The following DDX24 variants were observed in gnomAD, a reference collection of about 807,000 sequenced individuals.
DDX24 encodes the protein ATP-dependent RNA helicase DDX24.
Under a neutral mutation model 68.9 loss-of-function variants are expected in DDX24, and 24 were observed. The ratio of observed to expected loss-of-function variants is 0.35; its 90% CI spans 0.25 to 0.49. DDX24 has a LOEUF of 0.49. Ranked by LOEUF, DDX24 falls within the 20% of genes least tolerant of loss-of-function variation. The probability of loss-of-function intolerance (pLI) is 0.99; values close to 1 mark genes in which losing one functional copy is unlikely to be tolerated. For missense variants in DDX24, 989 were observed against 1,039.0 expected (o/e 0.95, Z 0.66); for synonymous variants, 395 against 385.2 (o/e 1.03, Z -0.30).
At chr14:94,068,935 A>C (rs992048698) in intron 2 of DDX24, among the ~76,000 whole-genome samples, 2 of 152,204 alleles carry the variant, frequency 1.3e-5, no homozygotes, top group African/African-American at 4.8e-5. Flanking sequence ...CAGACAATCT[A>C]AGGTCACATC....
At chr14:94,060,043 C>T in intron 5 of DDX24, 55 bp downstream of exon 5, 2 of 1,546,498 alleles carry the variant, frequency 1.3e-6, no homozygotes. Context: ...ATCCTGACCC[C>T]TTTTACCCCA....
Position 94,077,517 on chromosome 14 carries a change from A to G in DDX24, c.718+1508T>C, listed in dbSNP as rs117052350. Among the ~76,000 whole-genome samples the G allele has an allele frequency of 1.1e-3, 164 of 152,328 alleles. 3 individuals are homozygous for G. In the South Asian group the frequency reaches 0.016, roughly 15 times the overall value. ...CCATACACTACCATTTCAGTTGTGT[A>G]ATTTTAGGGAAGCTGTCTATGCTCT... is the stretch of plus-strand genomic sequence containing the variant. On this transcript the variant is annotated intron_variant, in intron 2 of 8. Coordinates refer to ENST00000621632, the MANE Select transcript of DDX24 (RefSeq NM_020414.4).
chr14:94,057,745 C>T (rs1171344147), intron 6 of DDX24, 77 bp downstream of exon 6: 3 of 1,410,446 alleles, frequency 2.1e-6, no homozygotes, highest in African/African-American at 2.9e-5. Context: ...ACAATTCCTC[C>T]TCCCTCCCCC....
intron 2 of DDX24, among the ~76,000 whole-genome samples, chr14:94,078,090 A>C (rs183145852): frequency 7.2e-5 from 11 of 152,250 alleles, no homozygotes; most frequent in African/African-American, 2.4e-4. Context: ...ATTATTCCCT[A>C]AACAATACGG....
chr14:94,051,207 C>G lies in DDX24; in HGVS notation c.2564G>C (p.Ser855Thr). 6.4e-7 allele frequency: 1 copy of G among 1,562,344 alleles called. No individual in the cohort carries two copies. The highest frequency in any genetic ancestry group is 1.2e-5 in the South Asian group (1 of 82,786). Reference sequence around the variant, plus strand: ...CTTGACCAGTTAATTTGCACTTGTACTTGGCTGTGGCTGTTCCGGCTGTGG... The same window carrying G: ...CTTGACCAGTTAATTTGCACTTGTAGTTGGCTGTGGCTGTTCCGGCTGTGG... ...KEPQPEQPQPSTSAN is the reference protein window; with the variant it reads ...KEPQPEQPQPTTSAN The change falls in exon 9 of 9, where the codon AGT (serine) becomes ACT (threonine). Residue 855 changes from serine (S) to threonine (T), a missense_variant. Coordinates refer to ENST00000621632, the MANE Select transcript of DDX24 (RefSeq NM_020414.4).
Position 94,070,680 on chromosome 14 carries a change from G to T in DDX24, c.719-8059C>A, listed in dbSNP as rs183536468. Among the ~76,000 whole-genome samples the T allele has an allele frequency of 2.0e-5, 3 of 152,320 alleles. No individual in the cohort carries two copies. In the East Asian group the frequency reaches 5.8e-4, roughly 29 times the overall value. ...AATCGGCACAAAGACCAATGGAACA[G>T]AATAGAGAACCCAGAAATAAACCCA... On this transcript the variant is annotated intron_variant, in intron 2 of 8. Coordinates refer to ENST00000621632, the MANE Select transcript of DDX24 (RefSeq NM_020414.4).
In DDX24 at chr14:94,061,030, GT is replaced by G. The variant is rs764848293; in HGVS notation, c.1279del (p.Thr427ArgfsTer8). On this transcript the variant is annotated frameshift_variant, in exon 4 of 9. Coordinates refer to ENST00000621632, the MANE Select transcript of DDX24 (RefSeq NM_020414.4). LOFTEE classifies it high-confidence loss of function. ...KTAILVGGMS[T>X]QKQQRMLNRR... ...GTTCAGCATCCTCTGCTGTTTCTGC[GT>G]GGACATTCCACCAACCAAAATAGCA... 1 of 1,614,154 alleles carries G rather than the reference GT, an allele frequency of 6.2e-7. No homozygotes were observed.
chr14:94,064,832 T>C (rs538003339), intron 2 of DDX24, among the ~76,000 whole-genome samples: 9 of 152,364 alleles, frequency 5.9e-5, no homozygotes, highest in African/African-American at 1.9e-4. Context: ...GTAGCCAAGC[T>C]GACCAGAAGT....
chr14:94,054,585 CCTG>C (rs1885456125), intron 7 of DDX24, among the ~76,000 whole-genome samples: 1 of 152,172 alleles, frequency 6.6e-6, no homozygotes, highest in African/African-American at 2.4e-5. Context: ...CTGGGGAATG[CCTG>C]CTGAGTTAAA....
intron 2 of DDX24, among the ~76,000 whole-genome samples, chr14:94,073,795 G>C (rs1020233672): frequency 2.6e-5 from 4 of 152,038 alleles, no homozygotes; most frequent in African/African-American, 4.8e-5. Flanking sequence ...TGTAATCCCA[G>C]AACTTTGGGA....
chr14:94,049,165 C>T lies in DDX24; in HGVS notation c.*2026G>A, dbSNP rs1279924798. The T allele has an allele frequency of 6.6e-6, 1 of 152,238 alleles. No individual in the cohort carries two copies. The highest frequency in any genetic ancestry group is 1.5e-5 in the Non-Finnish European group (1 of 68,058). 9.4% of individuals were successfully genotyped at this position (152,238 alleles called of 1,614,324 possible). A position where few individuals can be genotyped will look rare whatever the true frequency, so the allele number is the denominator to read the frequency against. ...GCCTGTCTACGTATTAGCTCCTCCACCAAGGAAAAGAATTTGCTGTTAGAT... is the reference window on the plus strand; with the variant it reads ...GCCTGTCTACGTATTAGCTCCTCCATCAAGGAAAAGAATTTGCTGTTAGAT... On this transcript the variant is annotated 3_prime_UTR_variant, in exon 9 of 9. Transcript: ENST00000621632.
At position 94,060,481 on chromosome 14, in the gene DDX24, G is replaced by T; in HGVS notation, c.1530C>A (p.Leu510=). 1.9e-6 allele frequency: 3 copies of T among 1,614,188 alleles called. No homozygotes were observed. Among genetic ancestry groups the T allele is most frequent in the Non-Finnish European group, 2.5e-6 (3 of 1,180,048 alleles). ...GAGCAGGAGCCTGATGCACCAGGGT[G>T]AGTGTGGCAGAAAAAACAAGCGTTT... is the stretch of plus-strand genomic sequence containing the variant. The part of the protein sequence containing the change: ...KRQTLVFSAT[L]TLVHQAPARI... The change falls in exon 5 of 9, where the codon CTC becomes CTA. Residue 510 remains leucine (L), a synonymous_variant. Transcript: ENST00000621632.
intron 8 of DDX24, 81 bp downstream of exon 8, chr14:94,052,917 A>G (rs1294929958): frequency 2.0e-6 from 3 of 1,527,846 alleles, no homozygotes; most frequent in African/African-American, 1.4e-5. Flanking sequence ...CAAGACCCAC[A>G]GTAGTAGAGA....
At chr14:94,057,088 G>C (rs985045026) in intron 6 of DDX24, 1 of 152,130 alleles carries the variant, frequency 6.6e-6, no homozygotes, top group African/African-American at 2.4e-5. Context: ...AACCCTATGG[G>C]GTAGCTAGTT....
chr14:94,061,211 A>G (rs1885590439), intron 3 of DDX24, 145 bp from the exon 4 acceptor site: 1 of 934,754 alleles, frequency 1.1e-6, no homozygotes, highest in Admixed American at 2.3e-5. Flanking sequence ...AGGCCTGGCC[A>G]GACTGTTGAC....
intron 5 of DDX24, among the ~76,000 whole-genome samples, chr14:94,059,760 T>C (rs1190447592): frequency 6.6e-6 from 1 of 152,224 alleles, no homozygotes; most frequent in Non-Finnish European, 1.5e-5. Context: ...CATGAATCTA[T>C]TCTGCTTCCT....
intron 5 of DDX24, among the ~76,000 whole-genome samples, chr14:94,059,578 T>A (rs941554430): frequency 6.6e-6 from 1 of 152,256 alleles, no homozygotes; most frequent in African/African-American, 2.4e-5. Flanking sequence ...CTAAACACTT[T>A]ACACGCATGA....
Position 94,053,358 on chromosome 14 carries a change from C to CTT in DDX24, c.2179-233_2179-232dup, listed in dbSNP as rs1160011824. The CTT allele has an allele frequency of 7.6e-3, 952 of 124,644 alleles. 53 individuals are homozygous for CTT. Among genetic ancestry groups the CTT allele is most frequent in the African/African-American group, 0.021 (324 of 15,174 alleles). 7.7% of individuals were successfully genotyped at this position (124,644 alleles called of 1,614,324 possible). A position where few individuals can be genotyped will look rare whatever the true frequency, so the allele number is the denominator to read the frequency against. ...AGGCACCACCATGCCTAGGTAATTT[C>CTT]TTTTTTTTTTTTTTTTTTTTTTTTT... On this transcript the variant is annotated intron_variant, in intron 7 of 8. Transcript: ENST00000621632.
chr14:94,070,282 AT>A (rs1885802804), intron 2 of DDX24, among the ~76,000 whole-genome samples: 1 of 152,146 alleles, frequency 6.6e-6, no homozygotes, highest in African/African-American at 2.4e-5. Context: ...AAAAAAAAAA[AT>A]ACTTAGGAAT....
Sources: gnomAD v4.1 joint callset for allele counts (sites outside exome capture counted in the v4.1 genomes callset) on GRCh38, gnomAD v4.1.1 for gene constraint, MANE v1.5 for transcripts, NCBI Gene and HGNC (gene_info 2026-07-23, HGNC 2026-07-21) for gene names.